KRCC1: variants seen among roughly 807,000 people sequenced by gnomAD.
The protein encoded by KRCC1 is lysine-rich coiled-coil protein 1.
KRCC1 carries 3 observed loss-of-function variants against 7.4 expected under a neutral mutation model. That is an observed-to-expected ratio of 0.40 (90% CI 0.18 to 1.04). The LOEUF (loss-of-function observed/expected upper bound fraction) is 1.04. Among genes scored for constraint, KRCC1 ranks in the 50% least tolerant of loss-of-function variants. The pLI, the probability that KRCC1 is intolerant of heterozygous loss-of-function variation, is 0.33. For synonymous variants in KRCC1, 102 were observed against 101.6 expected, an observed-to-expected ratio of 1.00 and a Z score of -0.02; for missense variants, 277 against 300.9, an observed-to-expected ratio of 0.92 and a Z score of 0.59.
At chr2:88,031,377 C>G (rs1672987074) in intron 3 of KRCC1, among the ~76,000 whole-genome samples, 1 of 151,736 alleles carries the variant, frequency 6.6e-6, no homozygotes, top group African/African-American at 2.4e-5. Context: ...AATCCCAGAA[C>G]TTTGGGAGGC....
At chr2:88,043,127 T>C (rs908843805) in intron 1 of KRCC1, among the ~76,000 whole-genome samples, 5 of 152,198 alleles carry the variant, frequency 3.3e-5, no homozygotes, top group African/African-American at 1.2e-4. Flanking sequence ...CCTTCTAAAA[T>C]TGTAACCATC....
chr2:88,039,959 G>C (rs1409934704), intron 1 of KRCC1, among the ~76,000 whole-genome samples: 1 of 151,596 alleles, frequency 6.6e-6, no homozygotes, highest in African/African-American at 2.4e-5. Flanking sequence ...GAGACCAGGA[G>C]TTTGAGACCA....
intron 3 of KRCC1, among the ~76,000 whole-genome samples, chr2:88,031,973 T>C (rs916234475): frequency 1.3e-5 from 2 of 151,782 alleles, no homozygotes; most frequent in African/African-American, 4.8e-5. Flanking sequence ...TGAAACCCCA[T>C]CTCTAGTAAT....
chr2:88,033,615 T>C (rs1162182153), intron 3 of KRCC1, among the ~76,000 whole-genome samples: 1 of 152,244 alleles, frequency 6.6e-6, no homozygotes, highest in East Asian at 1.9e-4. Flanking sequence ...TACAATTTTC[T>C]TTATTTTTAA....
At chr2:88,041,247 T>G (rs1041119587) in intron 1 of KRCC1, among the ~76,000 whole-genome samples, 1 of 151,612 alleles carries the variant, frequency 6.6e-6, no homozygotes, top group Non-Finnish European at 1.5e-5. Context: ...GACGGGAGAG[T>G]GGGGGCAGAG....
intron 1 of KRCC1, among the ~76,000 whole-genome samples, chr2:88,048,788 A>C (rs76056992): frequency 6.6e-6 from 1 of 152,240 alleles, no homozygotes; most frequent in Non-Finnish European, 1.5e-5. Context: ...ATCCAATACT[A>C]TCTTAATCTT....
At chr2:88,033,384 G>A (rs1673031582) in intron 3 of KRCC1, among the ~76,000 whole-genome samples, 1 of 152,088 alleles carries the variant, frequency 6.6e-6, no homozygotes, top group Admixed American at 6.6e-5. Context: ...AAATTAGCCG[G>A]GTGTGGTGGC....
At chr2:88,037,148 C>T (rs747268502) in intron 1 of KRCC1, 97 bp from the exon 2 acceptor site, 6 of 152,118 alleles carry the variant, frequency 3.9e-5, no homozygotes, top group Admixed American at 6.6e-5. Flanking sequence ...CATCTCAAAT[C>T]TTAATTTTCT....
In KRCC1 at chr2:88,028,356, T is replaced by C. The variant is rs201534335; in HGVS notation, c.208A>G (p.Thr70Ala). The C allele has an allele frequency of 4.1e-5, 66 of 1,614,026 alleles. No homozygotes were observed. Among genetic ancestry groups the C allele is most frequent in the Non-Finnish European group, 5.6e-5 (66 of 1,180,026 alleles). The stretch of plus-strand genomic sequence containing the variant: ...GGAATATTGCATGATCTTGGGTAGG[T>C]CTGGATGGTTTCAGATGGGAGTCTC... ...DQRLPSETIQTYPRSCNIPQT... is the reference protein window; with the variant it reads ...DQRLPSETIQAYPRSCNIPQT... Residue 70 changes from threonine (T) to alanine (A), a missense_variant, in exon 4 of 4, where the codon ACC becomes GCC. By Grantham distance (58) the Thr-to-Ala change is moderately conservative. Transcript: ENST00000347055.
intron 3 of KRCC1, 93 bp downstream of exon 3, chr2:88,034,041 G>A (rs944615371): frequency 6.6e-6 from 1 of 152,596 alleles, no homozygotes; most frequent in African/African-American, 2.4e-5. Flanking sequence ...CACAAATGAA[G>A]CTTGAAGACA....
At chr2:88,052,074 C>T (rs1464998339) in intron 1 of KRCC1, among the ~76,000 whole-genome samples, 1 of 152,228 alleles carries the variant, frequency 6.6e-6, no homozygotes, top group South Asian at 2.1e-4. Flanking sequence ...ATGTTGAAAT[C>T]CCAAAAGGCC....
rs1673214484 is a variant in KRCC1 at position 88,041,715 on chromosome 2, T to A, written c.-290-4664A>T. ...AGAAAATTTTGACATCACCTCTCTT[T>A]CACTTGCATAGTGATTACTATATAT... On this transcript the variant is annotated intron_variant, in intron 1 of 3. Coordinates refer to ENST00000347055, the MANE Select transcript of KRCC1 (RefSeq NM_016618.3). 2.6e-5 allele frequency among the ~76,000 whole-genome samples: 4 copies of A among 152,346 alleles called. No homozygotes were observed. In the South Asian group the frequency reaches 8.3e-4, roughly 32 times the overall value.
chr2:88,032,968 G>C (rs1428086741), intron 3 of KRCC1, among the ~76,000 whole-genome samples: 1 of 152,012 alleles, frequency 6.6e-6, no homozygotes, highest in Non-Finnish European at 1.5e-5. Flanking sequence ...ATAGAAGTCT[G>C]ATAAAAGAGT....
rs148214095 is a variant in KRCC1 at position 88,032,698 on chromosome 2, CG to C, written c.-23+1435del. On this transcript the variant is annotated intron_variant, in intron 3 of 3. Coordinates refer to ENST00000347055, the MANE Select transcript of KRCC1 (RefSeq NM_016618.3). ...TGGATTAAATCAAACAGTGGTATAA[CG>C]ATACAATGAAATACTATCAGTGATA... Among the ~76,000 whole-genome samples the C allele has an allele frequency of 7.7e-3, 1,173 of 152,126 alleles. 16 individuals are homozygous for C. Among genetic ancestry groups the C allele is most frequent in the African/African-American group, 0.028 (1,142 of 41,484 alleles).
At chr2:88,034,817 C>A (rs1673061288) in intron 2 of KRCC1, among the ~76,000 whole-genome samples, 1 of 152,124 alleles carries the variant, frequency 6.6e-6, no homozygotes, top group Non-Finnish European at 1.5e-5. Context: ...ACTCCCCAAC[C>A]CTACCACCCA....
At chr2:88,031,672 AAGGCTAGG>A (rs1672994189) in intron 3 of KRCC1, among the ~76,000 whole-genome samples, 1 of 151,920 alleles carries the variant, frequency 6.6e-6, no homozygotes, top group Admixed American at 6.6e-5. Context: ...AAAATAGGAA[AAGGCTAGG>A]ATAAAGATAT....
chr2:88,046,006 G>A (rs988298933), intron 1 of KRCC1, among the ~76,000 whole-genome samples: 3 of 152,182 alleles, frequency 2.0e-5, no homozygotes, highest in Admixed American at 2.0e-4. Flanking sequence ...TATGTGTGGA[G>A]TTTATTATAA....
intron 1 of KRCC1, among the ~76,000 whole-genome samples, chr2:88,053,409 C>G (rs1012089189): frequency 6.6e-6 from 1 of 152,180 alleles, no homozygotes; most frequent in Non-Finnish European, 1.5e-5. Flanking sequence ...CATGCTGAGT[C>G]TGCCAAAAAG....
At chr2:88,028,636 C>T (rs1672929609) in intron 3 of KRCC1, 51 bp from the exon 4 acceptor site, 1 of 814,688 alleles carries the variant, frequency 1.2e-6, no homozygotes, top group South Asian at 1.9e-5. Flanking sequence ...CTGAGCATTT[C>T]CTTTGCTCTT....
Sources: gnomAD v4.1 joint callset for allele counts (sites outside exome capture counted in the v4.1 genomes callset) on GRCh38, gnomAD v4.1.1 for gene constraint, MANE v1.5 for transcripts, NCBI Gene and HGNC (gene_info 2026-07-23, HGNC 2026-07-21) for gene names.